CLMP: variants seen among roughly 807,000 people sequenced by gnomAD.
CLMP encodes CXADR-like membrane protein.
A neutral mutation model predicts 45.2 loss-of-function variants in CLMP; 27 were observed. The observed-to-expected ratio is 0.60, with a 90% CI of 0.44 to 0.82. The LOEUF (loss-of-function observed/expected upper bound fraction) is 0.82. Ranked by LOEUF, CLMP falls within the 40% of genes least tolerant of loss-of-function variation. The probability of loss-of-function intolerance (pLI) is 0.00; values close to 1 mark genes in which losing one functional copy is unlikely to be tolerated. For missense variants in CLMP, 403 were observed against 448.4 expected, an observed-to-expected ratio of 0.90 and a Z score of 0.91; for synonymous variants, 167 against 171.4, an observed-to-expected ratio of 0.97 and a Z score of 0.20.
At chr11:123,189,723 A>C (rs574505517) in intron 1 of CLMP, among the ~76,000 whole-genome samples, 1 of 152,290 alleles carries the variant, frequency 6.6e-6, no homozygotes, top group African/African-American at 2.4e-5. Flanking sequence ...AGTAGAAGAA[A>C]ATGGCCAGGC....
chr11:123,085,439 G>A (rs1565378190), intron 2 of CLMP, among the ~76,000 whole-genome samples: 1 of 151,898 alleles, frequency 6.6e-6, no homozygotes, highest in Admixed American at 6.6e-5. Context: ...GGTAGAGACA[G>A]GGTTTCGCCA....
intron 1 of CLMP, among the ~76,000 whole-genome samples, chr11:123,129,618 A>G (rs1203148901): frequency 2.2e-5 from 3 of 137,200 alleles, no homozygotes; most frequent in Non-Finnish European, 3.0e-5. Flanking sequence ...TATTATATTT[A>G]TATAATATAA....
intron 1 of CLMP, among the ~76,000 whole-genome samples, chr11:123,164,676 C>T (rs909131882): frequency 4.6e-5 from 7 of 151,876 alleles, no homozygotes; most frequent in Admixed American, 3.9e-4. Flanking sequence ...CTTTAAACAC[C>T]GTGACAATTT....
Position 123,083,811 on chromosome 11 carries a change from T to A in CLMP, c.425A>T (p.Glu142Val). Reference sequence around the variant, plus strand: ...AGTCAGGTCACTTCCTTCTGTCAGCTCTCCTTCCAACTCACACTTGGGCTT... The same window carrying A: ...AGTCAGGTCACTTCCTTCTGTCAGCACTCCTTCCAACTCACACTTGGGCTT... ...PSKPKCELEGELTEGSDLTLQ... is the reference protein window; with the variant it reads ...PSKPKCELEGVLTEGSDLTLQ... The change falls in exon 4 of 7, where the codon GAG becomes GTG. Residue 142 changes from glutamate to valine, a missense_variant. Glu to Val is a moderately radical substitution (Grantham distance 121, BLOSUM62 -2). Transcript: ENST00000448775. 6.2e-7 allele frequency: 1 copy of A among 1,613,588 alleles called. No homozygotes were observed.
chr11:123,118,178 G>A (rs927971414), intron 1 of CLMP, among the ~76,000 whole-genome samples: 1 of 152,032 alleles, frequency 6.6e-6, no homozygotes, highest in African/African-American at 2.4e-5. Flanking sequence ...TGCCCAGGCT[G>A]GAGTGCAGTA....
rs547242041 is a variant in CLMP at position 123,171,073 on chromosome 11, G to T, written c.28+23840C>A. Among the ~76,000 whole-genome samples, 8 of 152,324 alleles carry T rather than the reference G, an allele frequency of 5.3e-5. No individual in the cohort carries two copies. In the South Asian group the frequency reaches 1.4e-3, roughly 28 times the overall value. On this transcript the variant is annotated intron_variant, in intron 1 of 6. Coordinates refer to ENST00000448775, the MANE Select transcript of CLMP (RefSeq NM_024769.5). ...CAAAAAGCAACCAGCTCTGCTTGGG[G>T]TTGACGGGCAAGGTTTCCCAGAGGG...
chr11:123,122,951 T>C (rs556994292), intron 1 of CLMP, among the ~76,000 whole-genome samples: 1 of 152,292 alleles, frequency 6.6e-6, no homozygotes, highest in South Asian at 2.1e-4. Context: ...GATGAAGCCT[T>C]CATGTCCAAT....
At chr11:123,078,950 A>G (rs11218960) in intron 5 of CLMP, among the ~76,000 whole-genome samples, 16,228 of 151,876 alleles carry the variant, frequency 0.11, 1,429 homozygotes, top group African/African-American at 0.23. Context: ...GGCAAGTTTT[A>G]TATTTTTAGT....
chr11:123,106,168 T>C (rs911028898), intron 1 of CLMP, among the ~76,000 whole-genome samples: 1 of 151,858 alleles, frequency 6.6e-6, no homozygotes, highest in South Asian at 2.1e-4. Flanking sequence ...GCTCATCAGC[T>C]GTTGTTAGTG....
chr11:123,168,577 G>T (rs752644743), intron 1 of CLMP, among the ~76,000 whole-genome samples: 8 of 152,086 alleles, frequency 5.3e-5, no homozygotes, highest in Non-Finnish European at 1.2e-4. Context: ...GTAGGACAGG[G>T]TCGGCTAACC....
intron 1 of CLMP, among the ~76,000 whole-genome samples, chr11:123,144,660 A>G (rs976683227): frequency 3.3e-5 from 5 of 151,928 alleles, no homozygotes; most frequent in African/African-American, 1.2e-4. Flanking sequence ...ATGAGCCACC[A>G]CTCCCAGCGG....
chr11:123,143,291 A>G (rs984092628), intron 1 of CLMP, among the ~76,000 whole-genome samples: 1 of 152,190 alleles, frequency 6.6e-6, no homozygotes, highest in African/African-American at 2.4e-5. Context: ...ACTGTTGCCA[A>G]TCATTGTCCC....
intron 1 of CLMP, among the ~76,000 whole-genome samples, chr11:123,166,831 G>A (rs1861563833): frequency 6.6e-6 from 1 of 152,134 alleles, no homozygotes; most frequent in Admixed American, 6.5e-5. Context: ...TGATGAAAAT[G>A]CTTATCACCC....
chr11:123,130,406 C>T (rs183058164), intron 1 of CLMP, among the ~76,000 whole-genome samples: 2,324 of 151,138 alleles, frequency 0.015, 55 homozygotes, highest in African/African-American at 0.053. Flanking sequence ...GGGCAGGGTT[C>T]GGCAAAATTA....
intron 1 of CLMP, among the ~76,000 whole-genome samples, chr11:123,187,723 T>C (rs1228322688): frequency 2.6e-5 from 4 of 152,128 alleles, no homozygotes; most frequent in African/African-American, 9.7e-5. Context: ...GATGAGGACT[T>C]AGAGGTAACT....
At chr11:123,138,517 G>GATCT (rs1176390112) in intron 1 of CLMP, among the ~76,000 whole-genome samples, 2 of 152,060 alleles carry the variant, frequency 1.3e-5, no homozygotes, top group South Asian at 4.1e-4. Flanking sequence ...TGGTTACAGA[G>GATCT]ATCTACTTTC....
chr11:123,110,378 C>T (rs1860621663), intron 1 of CLMP, among the ~76,000 whole-genome samples: 1 of 151,266 alleles, frequency 6.6e-6, no homozygotes, highest in Non-Finnish European at 1.5e-5. Context: ...CGCTTGAACC[C>T]GAGAGGTGGA....
At chr11:123,192,237 G>A (rs997776558) in intron 1 of CLMP, among the ~76,000 whole-genome samples, 14 of 152,182 alleles carry the variant, frequency 9.2e-5, no homozygotes, top group African/African-American at 3.4e-4. Flanking sequence ...TAAAGTCTTT[G>A]ATGTCAGAAT....
intron 1 of CLMP, among the ~76,000 whole-genome samples, chr11:123,185,366 G>A (rs770377485): frequency 2.0e-5 from 3 of 151,008 alleles, no homozygotes; most frequent in Non-Finnish European, 2.9e-5. Flanking sequence ...AGATCTGAGG[G>A]CAGGCCAATT....
Sources: allele counts gnomAD v4.1 joint callset (sites outside exome capture counted in the v4.1 genomes callset), GRCh38; gene constraint gnomAD v4.1.1; transcripts MANE v1.5; gene names NCBI Gene and HGNC (gene_info 2026-07-23, HGNC 2026-07-21).